BICC1: variants seen among roughly 807,000 people sequenced by gnomAD.
BICC1 encodes the protein protein bicaudal C homolog 1.
Under a neutral mutation model 111.0 loss-of-function variants are expected in BICC1, and 43 were observed. The ratio of observed to expected loss-of-function variants is 0.39; its 90% CI spans 0.30 to 0.50. The LOEUF (loss-of-function observed/expected upper bound fraction) is 0.50, where lower values mean the gene tolerates loss of function less well. BICC1 is among the 20% of genes least tolerant of loss of function. The pLI is 0.88. For synonymous variants in BICC1, 467 were observed against 434.4 expected, an observed-to-expected ratio of 1.07 and a Z score of -0.93; for missense variants, 1,091 against 1,203.2, an observed-to-expected ratio of 0.91 and a Z score of 1.38.
chr10:58,766,260 A>G (rs559471931), intron 3 of BICC1, among the ~76,000 whole-genome samples: 2 of 152,232 alleles, frequency 1.3e-5, no homozygotes, highest in Admixed American at 1.3e-4. Context: ...CTAGTCTTGG[A>G]TATAGTGCCA....
chr10:58,611,546 G>A (rs2393454), intron 1 of BICC1, among the ~76,000 whole-genome samples: 5,435 of 151,198 alleles, frequency 0.036, 305 homozygotes, highest in African/African-American at 0.13. Flanking sequence ...CATGATTTTG[G>A]CTCACTGCAA....
intron 10 of BICC1, among the ~76,000 whole-genome samples, chr10:58,797,524 T>C (rs1228626662): frequency 6.6e-6 from 1 of 152,196 alleles, no homozygotes. Context: ...CACTGGGACC[T>C]GAACAGAGTC....
intron 2 of BICC1, among the ~76,000 whole-genome samples, chr10:58,684,057 C>A (rs928402931): frequency 6.6e-6 from 1 of 152,112 alleles, no homozygotes; most frequent in African/African-American, 2.4e-5. Flanking sequence ...CCACCAATAC[C>A]TAGTTTATTG....
intron 18 of BICC1, chr10:58,814,438 G>A: frequency 3.0e-6 from 1 of 334,556 alleles, no homozygotes; most frequent in Non-Finnish European, 5.5e-6. Context: ...GCATGAATGG[G>A]TAATGTACAC....
intron 17 of BICC1, among the ~76,000 whole-genome samples, chr10:58,810,306 C>T (rs550707383): frequency 1.4e-4 from 21 of 152,290 alleles, no homozygotes; most frequent in African/African-American, 5.1e-4. Flanking sequence ...TAGCCTGCCC[C>T]ATCATCCTGG....
intron 3 of BICC1, among the ~76,000 whole-genome samples, chr10:58,740,020 G>T (rs764721981): frequency 3.9e-4 from 59 of 152,090 alleles, no homozygotes; most frequent in Non-Finnish European, 6.9e-4. Context: ...CTGTATTTGA[G>T]TCCTTGCTTG....
chr10:58,617,903 T>G (rs1845669728), intron 1 of BICC1, among the ~76,000 whole-genome samples: 1 of 152,248 alleles, frequency 6.6e-6, no homozygotes. Flanking sequence ...AAAGCTTGGC[T>G]AAATGTACAA....
chr10:58,768,713 G>C (rs6481435), intron 3 of BICC1, among the ~76,000 whole-genome samples: 115,965 of 151,524 alleles, frequency 0.77, 44,963 homozygotes, highest in East Asian at 1. Context: ...GGGAGTAAAA[G>C]TGTAGAGTTA....
At chr10:58,584,298 A>G (rs1844370998) in intron 1 of BICC1, among the ~76,000 whole-genome samples, 1 of 152,150 alleles carries the variant, frequency 6.6e-6, no homozygotes, top group Admixed American at 6.5e-5. Context: ...TCTCCCATGA[A>G]TTCTGTTGTC....
chr10:58,549,641 T>G (rs919549036), intron 1 of BICC1, among the ~76,000 whole-genome samples: 4 of 151,840 alleles, frequency 2.6e-5, no homozygotes, highest in Non-Finnish European at 4.4e-5. Context: ...CCCTTTTTTT[T>G]GTTGTTGTTA....
At position 58,789,437 on chromosome 10, in the gene BICC1, A is replaced by G; in HGVS notation, c.776A>G (p.Asn259Ser). 3 of 1,613,776 alleles carry G rather than the reference A, an allele frequency of 1.9e-6. No homozygotes were observed. Among genetic ancestry groups the G allele is most frequent in the South Asian group, 1.1e-5 (1 of 91,028 alleles). ...ACTGTCATAGTACGAGGGTCTCAGA[A>G]TAACACTAGTGCTGTGAAGGTAAAT... The part of the protein sequence containing the change: ...GATVIVRGSQ[N>S]NTSAVKEGTA... Residue 259 changes from asparagine (N) to serine (S), a missense_variant, in exon 7 of 21, where the codon AAT becomes AGT. Asn to Ser is a conservative substitution (Grantham distance 46). Coordinates refer to ENST00000373886, the MANE Select transcript of BICC1 (RefSeq NM_001080512.3).
chr10:58,646,263 G>A (rs749122762), intron 2 of BICC1, among the ~76,000 whole-genome samples: 1 of 152,118 alleles, frequency 6.6e-6, no homozygotes, highest in Non-Finnish European at 1.5e-5. Flanking sequence ...TCTTTTAAAT[G>A]CGTTGATCAT....
chr10:58,750,558 C>G (rs752143903), intron 3 of BICC1, among the ~76,000 whole-genome samples: 2 of 152,016 alleles, frequency 1.3e-5, no homozygotes, highest in African/African-American at 4.8e-5. Context: ...ATGTTATGAC[C>G]GCTACCAGAC....
intron 2 of BICC1, among the ~76,000 whole-genome samples, chr10:58,641,931 A>G (rs1164858068): frequency 1.3e-5 from 2 of 152,196 alleles, no homozygotes; most frequent in East Asian, 3.9e-4. Context: ...TAACGTTGCT[A>G]TTTTGACGTC....
chr10:58,661,082 A>G (rs1237799678), intron 2 of BICC1, among the ~76,000 whole-genome samples: 1 of 152,020 alleles, frequency 6.6e-6, no homozygotes, highest in Non-Finnish European at 1.5e-5. Flanking sequence ...CTGTGGTTTT[A>G]GGGCAGTGGT....
chr10:58,684,754 A>T (rs1315236362), intron 2 of BICC1, among the ~76,000 whole-genome samples: 2 of 151,148 alleles, frequency 1.3e-5, no homozygotes, highest in East Asian at 1.9e-4. Flanking sequence ...CATCTATTTG[A>T]TTCTTCTCTC....
chr10:58,769,989 T>G lies in BICC1; in HGVS notation c.308-15012T>G, dbSNP rs147941462. ...CAGGTTTACATATCTTTATTATATGTTCAGTCAAAGCTGTCAAAATCGGTT... is the reference window on the plus strand; with the variant it reads ...CAGGTTTACATATCTTTATTATATGGTCAGTCAAAGCTGTCAAAATCGGTT... On this transcript the variant is annotated intron_variant, in intron 3 of 20. Transcript: ENST00000373886. Among the ~76,000 whole-genome samples, 993 of 152,262 alleles carry G rather than the reference T, an allele frequency of 6.5e-3. 12 individuals are homozygous for G. Among genetic ancestry groups the G allele is most frequent in the African/African-American group, 0.023 (940 of 41,556 alleles).
intron 1 of BICC1, among the ~76,000 whole-genome samples, chr10:58,556,263 CAG>C (rs1843447025): frequency 6.6e-6 from 1 of 152,040 alleles, no homozygotes; most frequent in African/African-American, 2.4e-5. Context: ...TGCAGCTTCT[CAG>C]ATATTCTGAA....
chr10:58,546,419 G>A (rs182301116), intron 1 of BICC1, among the ~76,000 whole-genome samples: 1 of 152,316 alleles, frequency 6.6e-6, no homozygotes, highest in African/African-American at 2.4e-5. Flanking sequence ...GTAGAAATTT[G>A]AATTTTTACA....
Sources: allele counts gnomAD v4.1 joint callset (sites outside exome capture counted in the v4.1 genomes callset), GRCh38; gene constraint gnomAD v4.1.1; transcripts MANE v1.5; gene names NCBI Gene and HGNC (gene_info 2026-07-23, HGNC 2026-07-21).